FAM193A: variants seen among roughly 807,000 people sequenced by gnomAD.
The protein encoded by FAM193A is family with sequence similarity 193 member A.
FAM193A carries 22 observed loss-of-function variants against 126.5 expected under a neutral mutation model. The observed-to-expected ratio is 0.17, with a 90% CI of 0.12 to 0.25. The LOEUF is 0.25. Among genes scored for constraint, FAM193A ranks in the 10% least tolerant of loss-of-function variants. FAM193A has a pLI of 1.00. For missense variants in FAM193A, 1,675 were observed against 1,672.8 expected (o/e 1.00, Z -0.02); for synonymous variants, 761 against 646.8 (o/e 1.18, Z -2.68).
chr4:2,546,404 T>G (rs1737556672), intron 1 of FAM193A, among the ~76,000 whole-genome samples: 1 of 152,136 alleles, frequency 6.6e-6, no homozygotes, highest in Non-Finnish European at 1.5e-5. Context: ...AAAAACTCCC[T>G]CATGTTATAG....
chr4:2,682,410 C>T (rs1715259292), intron 13 of FAM193A, among the ~76,000 whole-genome samples: 1 of 152,150 alleles, frequency 6.6e-6, no homozygotes, highest in South Asian at 2.1e-4. Context: ...GCAGTCCTCC[C>T]ACCTTGGCCT....
Position 2,558,694 on chromosome 4 carries a change from C to T in FAM193A, c.255+21524C>T, listed in dbSNP as rs116543506. Among the ~76,000 whole-genome samples, 981 of 152,262 alleles carry T rather than the reference C, an allele frequency of 6.4e-3. 15 individuals are homozygous for T. The highest frequency in any genetic ancestry group is 0.023 in the African/African-American group (941 of 41,562). On this transcript the variant is annotated intron_variant, in intron 1 of 20. Coordinates refer to ENST00000637812, the MANE Select transcript of FAM193A (RefSeq NM_001366318.2). ...CGGGAGCCACTGTACCTAGCTGTTT[C>T]TGTCTTTAAAAGCACACAAAATCAG...
chr4:2,548,019 A>G (rs1375439737), intron 1 of FAM193A, among the ~76,000 whole-genome samples: 1 of 149,508 alleles, frequency 6.7e-6, no homozygotes, highest in African/African-American at 2.5e-5. Flanking sequence ...TCCTGTGTTT[A>G]TTTGCCATTC....
intron 1 of FAM193A, among the ~76,000 whole-genome samples, chr4:2,578,571 C>T (rs554650013): frequency 6.6e-6 from 1 of 152,004 alleles, no homozygotes; most frequent in South Asian, 2.1e-4. Context: ...TGTCTAAGTA[C>T]AGTTGACCCT....
chr4:2,623,247 T>C (rs974589376), intron 2 of FAM193A, among the ~76,000 whole-genome samples: 2 of 151,788 alleles, frequency 1.3e-5, no homozygotes, highest in African/African-American at 4.8e-5. Context: ...CTCGGCTCAC[T>C]GCAAGCTCTG....
chr4:2,642,832 A>G (rs1744774899), intron 6 of FAM193A, among the ~76,000 whole-genome samples: 1 of 150,492 alleles, frequency 6.6e-6, no homozygotes, highest in African/African-American at 2.5e-5. Flanking sequence ...TCTCAGGTTC[A>G]TGCCATTCTC....
chr4:2,567,526 A>T (rs1162155709), intron 1 of FAM193A, among the ~76,000 whole-genome samples: 1 of 152,218 alleles, frequency 6.6e-6, no homozygotes, highest in Non-Finnish European at 1.5e-5. Context: ...ATTGATCTCC[A>T]TAAGTTTTTT....
chr4:2,620,943 G>GCCA (rs1742512079), intron 2 of FAM193A, among the ~76,000 whole-genome samples: 1 of 151,904 alleles, frequency 6.6e-6, no homozygotes, highest in Non-Finnish European at 1.5e-5. Flanking sequence ...TTAGGGAGCA[G>GCCA]CCACTAACGG....
chr4:2,699,627 T>A lies in FAM193A; in HGVS notation c.3508-53T>A, dbSNP rs1053436341. 2.0e-6 allele frequency: 3 copies of A among 1,522,764 alleles called. No homozygotes were observed. In the African/African-American group the frequency reaches 4.2e-5, roughly 21 times the overall value. The allele number at this position is 1,522,764 out of a possible 1,614,324, so 94.3% of individuals were successfully genotyped here. A position where few individuals can be genotyped will look rare whatever the true frequency, so the allele number is the denominator to read the frequency against. ...AATTATCTTAGTTTTTCTGTATGAC[T>A]TAATTTTTAGCACTCACTGTAGTCT... is the stretch of plus-strand genomic sequence containing the variant. On this transcript the variant is annotated intron_variant, in intron 18 of 20. Coordinates refer to ENST00000637812, the MANE Select transcript of FAM193A (RefSeq NM_001366318.2).
chr4:2,626,432 C>T lies in FAM193A; in HGVS notation c.658C>T (p.Arg220Trp), dbSNP rs946537728. 20 of 700,062 alleles carry T rather than the reference C, an allele frequency of 2.9e-5. No individual in the cohort carries two copies. In the East Asian group the frequency reaches 3.5e-4, roughly 12 times the overall value. 43.4% of individuals were successfully genotyped at this position (700,062 alleles called of 1,614,324 possible). The change falls in exon 4 of 21, where the codon CGG (arginine) becomes TGG (tryptophan). Residue 220 changes from arginine to tryptophan, a missense_variant. Around this residue, in one of 4 missense-constraint regions of FAM193A, gnomAD observed 1,186 missense variants for 1,109.2 expected, o/e 1.07. Transcript: ENST00000637812. ...ERREISAEAD[R>W]EPQQLQNYWS... Reference sequence around the variant, plus strand: ...CAGAGAAATTTCGGCAGAGGCGGACCGGGAACCTCAGCAGCTGCAGAACTA... The same window carrying T: ...CAGAGAAATTTCGGCAGAGGCGGACTGGGAACCTCAGCAGCTGCAGAACTA...
chr4:2,629,539 A>G (rs1743337076), intron 4 of FAM193A, among the ~76,000 whole-genome samples: 1 of 152,200 alleles, frequency 6.6e-6, no homozygotes, highest in Admixed American at 6.5e-5. Context: ...CTTGTCTTTT[A>G]TAGCCTAGGT....
chr4:2,616,112 T>C (rs1390929325), intron 2 of FAM193A, among the ~76,000 whole-genome samples: 1 of 152,254 alleles, frequency 6.6e-6, no homozygotes, highest in Non-Finnish European at 1.5e-5. Context: ...AACTTCTAAA[T>C]GTAACTATGG....
At chr4:2,615,086 T>C in intron 2 of FAM193A, 1 of 152,374 alleles carries the variant, frequency 6.6e-6, no homozygotes, top group South Asian at 2.1e-4. Flanking sequence ...TCTTTATTAA[T>C]TTCATTCCTC....
chr4:2,731,393 C>T (rs112673023), intron 20 of FAM193A, among the ~76,000 whole-genome samples: 5,013 of 151,818 alleles, frequency 0.033, 111 homozygotes, highest in Non-Finnish European at 0.05. Context: ...ACCATGTTGC[C>T]CAGGCTGGTC....
chr4:2,595,347 C>T (rs2108906422), intron 1 of FAM193A, among the ~76,000 whole-genome samples: 1 of 152,274 alleles, frequency 6.6e-6, no homozygotes, highest in East Asian at 1.9e-4. Flanking sequence ...CTGTGCCCAG[C>T]CTTCAGTTTC....
chr4:2,703,801 TAAAA>T (rs34569439), intron 19 of FAM193A, among the ~76,000 whole-genome samples: 1 of 129,084 alleles, frequency 7.7e-6, no homozygotes, highest in African/African-American at 2.8e-5. Context: ...CCATCTCTAC[TAAAA>T]AAAAAAAAAA....
chr4:2,564,272 G>A (rs1236453989), intron 1 of FAM193A, among the ~76,000 whole-genome samples: 1 of 151,762 alleles, frequency 6.6e-6, no homozygotes, highest in Non-Finnish European at 1.5e-5. Context: ...TTGTAGAGAC[G>A]GGGTCTCACT....
chr4:2,617,240 T>TTTTATATATATATATATATTTTATATATA (rs377206444), intron 2 of FAM193A, among the ~76,000 whole-genome samples: 1 of 35,246 alleles, frequency 2.8e-5, no homozygotes, highest in African/African-American at 2.7e-4. Flanking sequence ...TATGTTTTTA[T>TTTTATATATATATATATATTTTATATATA]TATATATATA....
chr4:2,728,084 A>C (rs1319926765), intron 20 of FAM193A, among the ~76,000 whole-genome samples: 1 of 151,860 alleles, frequency 6.6e-6, no homozygotes, highest in Non-Finnish European at 1.5e-5. Context: ...GGCATGCGTC[A>C]CCACGCCTGG....
Sources: gnomAD v4.1 joint callset for allele counts (sites outside exome capture counted in the v4.1 genomes callset) on GRCh38, gnomAD v4.1.1 for gene constraint, gnomAD v4.1.1 regional missense constraint, MANE v1.5 for transcripts, NCBI Gene and HGNC (gene_info 2026-07-23, HGNC 2026-07-21) for gene names.